The following GNG7 variants were observed in gnomAD, a reference collection of about 807,000 sequenced individuals.
GNG7 encodes guanine nucleotide-binding protein G(I)/G(S)/G(O) subunit gamma-7.
Under a neutral mutation model 4.0 loss-of-function variants are expected in GNG7, and 1 was observed. That is an observed-to-expected ratio of 0.25 (90% CI 0.09 to 1.18). The LOEUF is 1.18. Among genes scored for constraint, GNG7 ranks in the 50% most tolerant of loss-of-function variants. The pLI, the probability that GNG7 is intolerant of heterozygous loss-of-function variation, is 0.50. For synonymous variants in GNG7, 34 were observed against 36.9 expected (o/e 0.92, Z 0.29); for missense variants, 86 against 91.9 (o/e 0.94, Z 0.26).
intron 1 of GNG7, among the ~76,000 whole-genome samples, chr19:2,665,382 A>C (rs1599450910): frequency 5.5e-5 from 8 of 144,978 alleles, no homozygotes; most frequent in African/African-American, 1.6e-4. Flanking sequence ...GGGCAGGATC[A>C]CCCTGCCGTG....
rs533513226 is a variant in GNG7 at position 2,572,260 on chromosome 19, C to T, written c.-77-17072G>A. Among the ~76,000 whole-genome samples the T allele has an allele frequency of 6.6e-5, 10 of 152,184 alleles. No homozygotes were observed. In the South Asian group the frequency reaches 2.1e-3, roughly 32 times the overall value. On this transcript the variant is annotated intron_variant, in intron 2 of 4. Coordinates refer to ENST00000382159, the MANE Select transcript of GNG7 (RefSeq NM_052847.3). ...TCTTTAACTCCTGGGCTCAAGCAATCCTCCTGCCTCAGCTTCCCACGTATC... is the reference window on the plus strand; with the variant it reads ...TCTTTAACTCCTGGGCTCAAGCAATTCTCCTGCCTCAGCTTCCCACGTATC...
chr19:2,700,109 C>A, intron 1 of GNG7, among the ~76,000 whole-genome samples: 1 of 150,042 alleles, frequency 6.7e-6, no homozygotes, highest in Non-Finnish European at 1.5e-5. Flanking sequence ...AATAATAAGA[C>A]ATATTTTTGT....
chr19:2,554,002 T>C (rs1352241280), intron 3 of GNG7, among the ~76,000 whole-genome samples: 1 of 141,592 alleles, frequency 7.1e-6, no homozygotes, highest in Non-Finnish European at 1.5e-5. Context: ...ATTACACATA[T>C]GTATATATTA....
intron 2 of GNG7, among the ~76,000 whole-genome samples, chr19:2,562,238 C>A (rs540090833): frequency 4.6e-5 from 7 of 152,048 alleles, no homozygotes; most frequent in Non-Finnish European, 1.5e-5. Context: ...CTGCTCAGCC[C>A]CAGGAACACA....
intron 2 of GNG7, among the ~76,000 whole-genome samples, chr19:2,584,339 G>A (rs1343481603): frequency 6.6e-6 from 1 of 150,484 alleles, no homozygotes; most frequent in East Asian, 2.0e-4. Flanking sequence ...AGCTACTTGG[G>A]AGACTGAGGT....
chr19:2,546,275 C>A lies in GNG7; in HGVS notation c.-38+8874G>T, dbSNP rs1193211057. Among the ~76,000 whole-genome samples the A allele has an allele frequency of 6.6e-6, 1 of 152,254 alleles. No homozygotes were observed. Among genetic ancestry groups the A allele is most frequent in the Non-Finnish European group, 1.5e-5 (1 of 68,046 alleles). On this transcript the variant is annotated intron_variant, in intron 3 of 4. Coordinates refer to ENST00000382159, the MANE Select transcript of GNG7 (RefSeq NM_052847.3). The surrounding 1 kb of genome is among the most constrained non-coding windows in gnomAD (Gnocchi z 6.3). ...AGCAACCAGGGTCTGCATGCAGAGA[C>A]CCTGCACCCAGCGTGGGCACCCACC...
In GNG7 at chr19:2,609,596, G is replaced by T. The variant is rs561220763; in HGVS notation, c.-78+36628C>A. On this transcript the variant is annotated intron_variant, in intron 2 of 4. Coordinates refer to ENST00000382159, the MANE Select transcript of GNG7 (RefSeq NM_052847.3). The surrounding 1 kb of genome is among the most constrained non-coding windows in gnomAD (Gnocchi z 4.4). ...GATTGCAGTGATGTTTGCGCACCAC[G>T]TCCCGAGTGCCAGAGCAGACAGGGT... is the stretch of plus-strand genomic sequence containing the variant. Among the ~76,000 whole-genome samples, 5 of 152,268 alleles carry T rather than the reference G, an allele frequency of 3.3e-5. No individual in the cohort carries two copies. Among genetic ancestry groups the T allele is most frequent in the African/African-American group, 1.2e-4 (5 of 41,542 alleles).
At position 2,573,507 on chromosome 19, in the gene GNG7, G is replaced by T. The variant is rs574803945; in HGVS notation, c.-77-18319C>A. Among the ~76,000 whole-genome samples, 11 of 152,206 alleles carry T rather than the reference G, an allele frequency of 7.2e-5. No individual in the cohort carries two copies. The East Asian group carries it at 2.1e-3, about 30-fold the overall frequency. On this transcript the variant is annotated intron_variant, in intron 2 of 4. Transcript: ENST00000382159. ...CCGACAAGCTGCTTCTGCGCTATCT[G>T]TGGAGAACGATCTAAAAGTGGGATT...
chr19:2,538,906 T>C (rs781694191), intron 3 of GNG7: 63 of 202,002 alleles, frequency 3.1e-4, no homozygotes, highest in Non-Finnish European at 4.4e-4. Flanking sequence ...GTAGCTGGGA[T>C]TACAGGCGCC....
chr19:2,591,196 C>T (rs915865977), intron 2 of GNG7, among the ~76,000 whole-genome samples: 1 of 152,104 alleles, frequency 6.6e-6, no homozygotes, highest in Admixed American at 6.6e-5. Context: ...GCAAACAAGC[C>T]GTTCCACGCT....
At position 2,512,387 on chromosome 19, in the gene GNG7, C is replaced by T. The variant is rs1290539065; in HGVS notation, c.*2635G>A. The T allele has an allele frequency of 1.0e-6, 1 of 984,526 alleles. No homozygotes were observed. Among genetic ancestry groups the T allele is most frequent in the Non-Finnish European group, 1.2e-6 (1 of 829,282 alleles). The allele number at this position is 984,526 out of a possible 1,614,324, so 61.0% of individuals were successfully genotyped here. A position where few individuals can be genotyped will look rare whatever the true frequency, so the allele number is the denominator to read the frequency against. On this transcript the variant is annotated 3_prime_UTR_variant, in exon 5 of 5. Coordinates refer to ENST00000382159, the MANE Select transcript of GNG7 (RefSeq NM_052847.3). This position sits in a 1 kb window ranked among gnomAD's most constrained non-coding sequence, Gnocchi z 4.7. Reference sequence around the variant, plus strand: ...AAGTGGAGAATTTTTTTTTTAATCCCCCAAGCTAGAAAGAAACCCACAGGC... The same window carrying T: ...AAGTGGAGAATTTTTTTTTTAATCCTCCAAGCTAGAAAGAAACCCACAGGC...
chr19:2,683,898 G>A (rs557750251), intron 1 of GNG7, among the ~76,000 whole-genome samples: 13 of 152,322 alleles, frequency 8.5e-5, no homozygotes, highest in African/African-American at 2.9e-4. Context: ...TAGGGAGCTG[G>A]TGGACAGCAT....
At chr19:2,603,619 C>T (rs542788419) in intron 2 of GNG7, among the ~76,000 whole-genome samples, 99 of 152,276 alleles carry the variant, frequency 6.5e-4, no homozygotes, top group African/African-American at 2.3e-3. Flanking sequence ...CTCACCCTTG[C>T]GGGGCGGCGG....
chr19:2,641,774 G>A, intron 2 of GNG7: 1 of 152,008 alleles, frequency 6.6e-6, no homozygotes, highest in Non-Finnish European at 1.5e-5. Context: ...CGATTTTCCT[G>A]CCTCAGCCTC....
chr19:2,603,398 G>A (rs1188070755), intron 2 of GNG7, among the ~76,000 whole-genome samples: 5 of 152,240 alleles, frequency 3.3e-5, no homozygotes, highest in Non-Finnish European at 5.9e-5. Flanking sequence ...ACAGGCTGCA[G>A]AGAGGGAGCT....
chr19:2,603,517 G>A (rs75643359), intron 2 of GNG7, among the ~76,000 whole-genome samples: 5,838 of 152,298 alleles, frequency 0.038, 142 homozygotes, highest in Middle Eastern at 0.058. Context: ...AGAGTAGCCC[G>A]AGGAATCCAG....
chr19:2,594,465 A>T (rs1003242127), intron 2 of GNG7, among the ~76,000 whole-genome samples: 1 of 149,852 alleles, frequency 6.7e-6, no homozygotes, highest in Non-Finnish European at 1.5e-5. Context: ...AAGAAACTGC[A>T]AATTTAAAAA....
At chr19:2,657,361 A>AATATAT (rs869231931) in intron 1 of GNG7, among the ~76,000 whole-genome samples, 305 of 15,706 alleles carry the variant, frequency 0.019, 5 homozygotes, top group Admixed American at 0.032. Flanking sequence ...AAAAAAAAAA[A>AATATAT]ATATATATAT....
At chr19:2,698,909 A>C (rs1384225062) in intron 1 of GNG7, among the ~76,000 whole-genome samples, 4 of 152,210 alleles carry the variant, frequency 2.6e-5, no homozygotes, top group Non-Finnish European at 5.9e-5. Flanking sequence ...TGAAACAAGA[A>C]CAGAAAATAA....
Sources: allele counts gnomAD v4.1 joint callset (sites outside exome capture counted in the v4.1 genomes callset), GRCh38; gene constraint gnomAD v4.1.1; non-coding constraint Gnocchi (gnomAD v3.1); transcripts MANE v1.5; gene names NCBI Gene and HGNC (gene_info 2026-07-23, HGNC 2026-07-21).